The following KANK4 variants were observed in gnomAD, a reference collection of about 807,000 sequenced individuals.
KANK4 encodes KN motif and ankyrin repeat domains 4, also known as KN motif and ankyrin repeat domain-containing protein 4.
A neutral mutation model predicts 80.8 loss-of-function variants in KANK4; 50 were observed. The observed-to-expected ratio is 0.62, with a 90% confidence interval of 0.49 to 0.78. The LOEUF is 0.78. KANK4 is among the 30% of genes least tolerant of loss of function. The probability of loss-of-function intolerance (pLI) is 0.00; values close to 1 mark genes in which losing one functional copy is unlikely to be tolerated. For synonymous variants in KANK4, 465 were observed against 506.9 expected (o/e 0.92, Z 1.11); for missense variants, 1,196 against 1,240.1 (o/e 0.96, Z 0.53).
intron 1 of KANK4, among the ~76,000 whole-genome samples, chr1:62,289,031 C>CA (rs1341990593): frequency 6.6e-6 from 1 of 152,110 alleles, no homozygotes; most frequent in Non-Finnish European, 1.5e-5. Context: ...ATCCTATTCC[C>CA]AAAAAAACTC....
intron 1 of KANK4, among the ~76,000 whole-genome samples, chr1:62,303,349 T>G (rs957371108): frequency 1.3e-5 from 2 of 151,970 alleles, no homozygotes; most frequent in African/African-American, 4.8e-5. Context: ...AAGGGCATGA[T>G]AGCTGGCATA....
chr1:62,315,559 A>G (rs1281892910), intron 1 of KANK4, among the ~76,000 whole-genome samples: 1 of 152,172 alleles, frequency 6.6e-6, no homozygotes, highest in Non-Finnish European at 1.5e-5. Flanking sequence ...CCACGCCATC[A>G]TCCAGAAATT....
intron 6 of KANK4, among the ~76,000 whole-genome samples, chr1:62,265,658 C>T (rs1672001197): frequency 6.6e-6 from 1 of 152,156 alleles, no homozygotes. Context: ...TTCTAGGGCT[C>T]TTTTGCAAAG....
At position 62,268,434 on chromosome 1, in the gene KANK4, G is replaced by A. The variant is rs779501800; in HGVS notation, c.2084C>T (p.Ala695Val). ...ATCTGGGCCGTCACACTTCTTCTCT[G>A]CCTCGCTGTCAGACAAGTCCTCTGG... ...STPEDLSDSE[A>V]EKKCDGPDHK... is the part of the protein sequence containing the mutation. The change falls in exon 5 of 10, where the codon GCA becomes GTA. Residue 695 changes from alanine to valine, a missense_variant. Around this residue, in one of 3 missense-constraint regions of KANK4, gnomAD observed 1,154 missense variants for 1,179.6 expected, o/e 0.98. Coordinates refer to ENST00000371153, the MANE Select transcript of KANK4 (RefSeq NM_181712.5). 1 of 1,613,924 alleles carries A rather than the reference G, an allele frequency of 6.2e-7. No individual in the cohort carries two copies. Among genetic ancestry groups the A allele is most frequent in the Non-Finnish European group, 8.5e-7 (1 of 1,180,024 alleles).
chr1:62,251,301 C>T (rs1261554039), intron 8 of KANK4, among the ~76,000 whole-genome samples: 1 of 152,168 alleles, frequency 6.6e-6, no homozygotes, highest in African/African-American at 2.4e-5. Flanking sequence ...AGTCCTTTGT[C>T]TCGGGCACAG....
chr1:62,311,310 T>C (rs1644496684), intron 1 of KANK4, among the ~76,000 whole-genome samples: 1 of 151,514 alleles, frequency 6.6e-6, no homozygotes, highest in South Asian at 2.1e-4. Context: ...ACGGGAATGA[T>C]AACAGTCATA....
intron 1 of KANK4, among the ~76,000 whole-genome samples, chr1:62,309,020 C>T (rs564608045): frequency 1.3e-5 from 2 of 152,214 alleles, no homozygotes; most frequent in Non-Finnish European, 2.9e-5. Context: ...TTGAAGAATA[C>T]CAGGTGTTTT....
chr1:62,273,031 T>G (rs537496911), intron 3 of KANK4, among the ~76,000 whole-genome samples, 173 bp downstream of exon 3: 6 of 152,118 alleles, frequency 3.9e-5, no homozygotes, highest in Admixed American at 1.3e-4. Context: ...TCTCAGGAGA[T>G]CTTCCCACCT....
chr1:62,292,293 A>G (rs2666467), intron 1 of KANK4, among the ~76,000 whole-genome samples: 98,632 of 152,012 alleles, frequency 0.65, 33,073 homozygotes, highest in African/African-American at 0.82. Context: ...ACAAGGGCCC[A>G]TTCTGTGTTT....
At position 62,274,667 on chromosome 1, in the gene KANK4, T is replaced by C. The variant is rs746841820; in HGVS notation, c.437A>G (p.Glu146Gly). Residue 146 changes from glutamate (E) to glycine (G), a missense_variant, in exon 3 of 10, where the codon GAG (glutamate) becomes GGG (glycine). Transcript: ENST00000371153. ...ATRQLEAAEPEDAELTFGSGR... is the reference protein window; with the variant it reads ...ATRQLEAAEPGDAELTFGSGR... ...ACTCCCAAAAGTGAGCTCGGCATCC[T>C]CTGGCTCAGCAGCTTCCAACTGTCT... is the stretch of plus-strand genomic sequence containing the variant. 2 of 1,614,212 alleles carry C rather than the reference T, an allele frequency of 1.2e-6. No individual in the cohort carries two copies. Among genetic ancestry groups the C allele is most frequent in the South Asian group, 1.1e-5 (1 of 91,086 alleles).
At chr1:62,280,542 C>T (rs1672430312) in intron 2 of KANK4, among the ~76,000 whole-genome samples, 1 of 152,124 alleles carries the variant, frequency 6.6e-6, no homozygotes, top group Non-Finnish European at 1.5e-5. Flanking sequence ...AGTCCCGTGC[C>T]CGTGAAGGGC....
chr1:62,276,551 G>A, intron 2 of KANK4, among the ~76,000 whole-genome samples: 1 of 152,130 alleles, frequency 6.6e-6, no homozygotes, highest in East Asian at 1.9e-4. Flanking sequence ...CGAGGCAGGT[G>A]GATCACTTGA....
At chr1:62,292,891 T>C (rs1672707599) in intron 1 of KANK4, among the ~76,000 whole-genome samples, 1 of 152,196 alleles carries the variant, frequency 6.6e-6, no homozygotes, top group South Asian at 2.1e-4. Context: ...TCATGGTCCC[T>C]GTCTAGTCCT....
intron 4 of KANK4, 101 bp downstream of exon 4, chr1:62,271,377 G>C (rs1338092690): frequency 2.5e-6 from 2 of 806,362 alleles, no homozygotes; most frequent in East Asian, 4.9e-5. Context: ...CCTTGAAGAG[G>C]AATGAAAACC....
Position 62,274,762 on chromosome 1 carries a change from A to T in KANK4, c.342T>A (p.Asn114Lys). 2 of 1,614,014 alleles carry T rather than the reference A, an allele frequency of 1.2e-6. No homozygotes were observed. The highest frequency in any genetic ancestry group is 1.7e-6 in the Non-Finnish European group (2 of 1,179,988). The change falls in exon 3 of 10, where the codon AAT becomes AAA. Residue 114 changes from asparagine to lysine, a missense_variant. Physicochemically the swap from Asn to Lys is moderately conservative, Grantham distance 94 (BLOSUM62 0). Coordinates refer to ENST00000371153, the MANE Select transcript of KANK4 (RefSeq NM_181712.5). ...TCCTGCTTGTTGAGGCCTGGGGGGCATTACCAAGCGGTGGTGACTGGTTTT... is the reference window on the plus strand; with the variant it reads ...TCCTGCTTGTTGAGGCCTGGGGGGCTTTACCAAGCGGTGGTGACTGGTTTT... ...QEQNQSPPLG[N>K]APQASTSRSE...
chr1:62,273,152 T>C lies in KANK4; in HGVS notation c.1900+52A>G, dbSNP rs1050425246. On this transcript the variant is annotated intron_variant, in intron 3 of 9. Coordinates refer to ENST00000371153, the MANE Select transcript of KANK4 (RefSeq NM_181712.5). ...AAACCTTGTTCCCTCTGCCTTATCA[T>C]GTGAAGGAGAAATGGCTCCCTGTCT... is the stretch of plus-strand genomic sequence containing the variant. 5 of 1,258,154 alleles carry C rather than the reference T, an allele frequency of 4.0e-6. No individual in the cohort carries two copies. The African/African-American group carries it at 7.6e-5, about 19-fold the overall frequency. The allele number at this position is 1,258,154 out of a possible 1,614,324, so 77.9% of individuals were successfully genotyped here. A position where few individuals can be genotyped will look rare whatever the true frequency, so the allele number is the denominator to read the frequency against.
chr1:62,289,987 A>G (rs1307432734), intron 1 of KANK4, among the ~76,000 whole-genome samples: 3 of 152,190 alleles, frequency 2.0e-5, no homozygotes, highest in Non-Finnish European at 2.9e-5. Context: ...AGTATTTCCT[A>G]TAAGTCACGG....
intron 4 of KANK4, among the ~76,000 whole-genome samples, chr1:62,269,402 C>T (rs1256851689): frequency 6.6e-6 from 1 of 152,212 alleles, no homozygotes; most frequent in Non-Finnish European, 1.5e-5. Context: ...GAATGGTGGC[C>T]TCTACATAAG....
chr1:62,273,249 G>A lies in KANK4; in HGVS notation c.1855C>T (p.His619Tyr), dbSNP rs532994942. Residue 619 changes from histidine (H) to tyrosine (Y), a missense_variant, in exon 3 of 10, where the codon CAC becomes TAC. This residue lies in a region of KANK4 where 1,154 missense variants were observed against 1,179.6 expected (regional missense o/e 0.98). Coordinates refer to ENST00000371153, the MANE Select transcript of KANK4 (RefSeq NM_181712.5). ...LLLSAYSAQA[H>Y]PPKEPPASSS... ...GAGGCCGGTGGCTCCTTGGGTGGGT[G>A]AGCCTGGGCCGAGTAGGCCGACAGC... 5.9e-6 allele frequency: 9 copies of A among 1,532,726 alleles called. No homozygotes were observed. In the East Asian group the frequency reaches 1.1e-4, roughly 19 times the overall value. The allele number at this position is 1,532,726 out of a possible 1,614,324, so 94.9% of individuals were successfully genotyped here.
Sources: gnomAD v4.1 joint callset for allele counts (sites outside exome capture counted in the v4.1 genomes callset) on GRCh38, gnomAD v4.1.1 for gene constraint, gnomAD v4.1.1 regional missense constraint, MANE v1.5 for transcripts, NCBI Gene and HGNC (gene_info 2026-07-23, HGNC 2026-07-21) for gene names.